HTR4: variants seen among roughly 807,000 people sequenced by gnomAD.
The protein encoded by HTR4 is 5-hydroxytryptamine receptor 4.
A neutral mutation model predicts 36.8 loss-of-function variants in HTR4; 16 were observed. The ratio of observed to expected loss-of-function variants is 0.43; its 90% CI spans 0.29 to 0.66. The LOEUF (loss-of-function observed/expected upper bound fraction) is 0.66, where lower values mean the gene tolerates loss of function less well. Ranked by LOEUF, HTR4 falls within the 30% of genes least tolerant of loss-of-function variation. HTR4 has a pLI of 0.13. For synonymous variants in HTR4, 189 were observed against 185.1 expected (o/e 1.02, Z -0.17); for missense variants, 438 against 490.9 (o/e 0.89, Z 1.02).
In HTR4 at chr5:148,583,257, A is replaced by G. The variant is rs1437278125; in HGVS notation, c.27-32995T>C. 4.1e-5 allele frequency among the ~76,000 whole-genome samples: 6 copies of G among 144,688 alleles called. No homozygotes were observed. In the Admixed American group the frequency reaches 4.2e-4, roughly 10 times the overall value. The allele number at this position is 144,688 out of a possible 152,430, so 94.9% of individuals were successfully genotyped here. A position where few individuals can be genotyped will look rare whatever the true frequency, so the allele number is the denominator to read the frequency against. On this transcript the variant is annotated intron_variant, in intron 2 of 6. Coordinates refer to ENST00000377888, the MANE Select transcript of HTR4 (RefSeq NM_000870.7). ...TACATTTATTGATTTGCATATATTG[A>G]ACCAGCCTTGCATCCCAGGGATGAA...
chr5:148,503,674 G>A lies in HTR4; in HGVS notation c.1076+5782C>T, dbSNP rs142352439. On this transcript the variant is annotated intron_variant, in intron 6 of 6. Coordinates refer to ENST00000377888, the MANE Select transcript of HTR4 (RefSeq NM_000870.7). ...CCTTAAATGTAAATCGGCTAAATGC[G>A]CCAATTAAAAGACACAGACTGGCAA... Among the ~76,000 whole-genome samples the A allele has an allele frequency of 8.1e-3, 1,236 of 152,118 alleles. 18 individuals carry two copies. Among genetic ancestry groups the A allele is most frequent in the African/African-American group, 0.028 (1,181 of 41,502 alleles).
chr5:148,507,429 C>T (rs1050105841), intron 6 of HTR4, among the ~76,000 whole-genome samples: 3 of 150,150 alleles, frequency 2.0e-5, no homozygotes, highest in East Asian at 4.0e-4. Flanking sequence ...ATGTAAATGA[C>T]GAGTTAATGG....
At chr5:148,568,648 C>T (rs1036536727) in intron 2 of HTR4, among the ~76,000 whole-genome samples, 1 of 152,132 alleles carries the variant, frequency 6.6e-6, no homozygotes, top group Non-Finnish European at 1.5e-5. Flanking sequence ...ACTCAAAAAA[C>T]ACCAAATTGC....
At chr5:148,582,553 G>C (rs1761179486) in intron 2 of HTR4, among the ~76,000 whole-genome samples, 1 of 152,008 alleles carries the variant, frequency 6.6e-6, no homozygotes, top group African/African-American at 2.4e-5. Flanking sequence ...GTGAGAACAT[G>C]CAGTTTTCTG....
At chr5:148,614,345 T>C (rs1229512168) in intron 2 of HTR4, among the ~76,000 whole-genome samples, 1 of 151,822 alleles carries the variant, frequency 6.6e-6, no homozygotes, top group Non-Finnish European at 1.5e-5. Context: ...TATAGATCAA[T>C]GGAACAGAAC....
At chr5:148,600,976 CAAAAAAAA>C (rs58003522) in intron 2 of HTR4, among the ~76,000 whole-genome samples, 10 of 13,548 alleles carry the variant, frequency 7.4e-4, no homozygotes, top group South Asian at 8.8e-3. Flanking sequence ...AACTCAATAG[CAAAAAAAA>C]AAAAAAAAAA....
At chr5:148,540,601 C>T (rs2113832101) in intron 4 of HTR4, among the ~76,000 whole-genome samples, 1 of 151,308 alleles carries the variant, frequency 6.6e-6, no homozygotes, top group East Asian at 1.9e-4. Context: ...ATAGATTCAC[C>T]TTCAATATAC....
chr5:148,587,458 G>T (rs1581512832), intron 2 of HTR4, among the ~76,000 whole-genome samples: 2 of 152,048 alleles, frequency 1.3e-5, no homozygotes, highest in East Asian at 3.9e-4. Flanking sequence ...GCGGAGGGTT[G>T]GGGGGGTGGT....
At chr5:148,486,294 A>T (rs1756157757) in intron 6 of HTR4, among the ~76,000 whole-genome samples, 1 of 152,160 alleles carries the variant, frequency 6.6e-6, no homozygotes, top group Non-Finnish European at 1.5e-5. Flanking sequence ...AAAATGTGGT[A>T]CATTATACTG....
At chr5:148,611,277 GAAA>G (rs1340262270) in intron 2 of HTR4, among the ~76,000 whole-genome samples, 1 of 151,732 alleles carries the variant, frequency 6.6e-6, no homozygotes, top group African/African-American at 2.4e-5. Flanking sequence ...CAGCCAGAGA[GAAA>G]GGTCGGGTTA....
chr5:148,531,445 T>C (rs1758562795), intron 4 of HTR4, among the ~76,000 whole-genome samples: 1 of 152,212 alleles, frequency 6.6e-6, no homozygotes, highest in South Asian at 2.1e-4. Context: ...ATGTGAGATG[T>C]GCCTTTCCCC....
At chr5:148,622,372 C>A (rs900302249) in intron 2 of HTR4, among the ~76,000 whole-genome samples, 1 of 152,176 alleles carries the variant, frequency 6.6e-6, no homozygotes, top group East Asian at 1.9e-4. Context: ...TGATGGGTAA[C>A]TTTGTCTTCA....
intron 6 of HTR4, among the ~76,000 whole-genome samples, chr5:148,506,892 G>A (rs1364459042): frequency 7.9e-5 from 12 of 152,204 alleles, no homozygotes; most frequent in Admixed American, 1.3e-4. Context: ...TGGAGAGGAT[G>A]TGGAGAAATA....
At chr5:148,460,145 A>G (rs1561559817) in intron 5 of HTR4, among the ~76,000 whole-genome samples, 2 of 152,056 alleles carry the variant, frequency 1.3e-5, no homozygotes, top group Non-Finnish European at 2.9e-5. Context: ...GTTTCCAAGA[A>G]CTATGGGACA....
intron 4 of HTR4, among the ~76,000 whole-genome samples, chr5:148,536,931 A>G (rs1758852634): frequency 6.6e-6 from 1 of 152,204 alleles, no homozygotes. Context: ...ACAACAGAAT[A>G]TACATTCTTC....
At position 148,548,841 on chromosome 5, in the gene HTR4, T is replaced by C; in HGVS notation, c.180A>G (p.Val60=). The change falls in exon 4 of 7, where the codon GTA becomes GTG. Residue 60 remains valine (V), a synonymous_variant. Transcript: ENST00000377888. ...CCAGCAGATCCGCAAAAGCAAGAGA[T>C]ACAATGAAATAATTTGTTTTTATTT... The part of the protein sequence containing the change: ...LRKIKTNYFI[V]SLAFADLLVS... 6.2e-7 allele frequency: 1 copy of C among 1,613,642 alleles called. No homozygotes were observed. Among genetic ancestry groups the C allele is most frequent in the Non-Finnish European group, 8.5e-7 (1 of 1,179,920 alleles).
At chr5:148,517,126 T>C (rs1757794334) in intron 5 of HTR4, among the ~76,000 whole-genome samples, 1 of 152,352 alleles carries the variant, frequency 6.6e-6, no homozygotes, top group Admixed American at 6.5e-5. Flanking sequence ...GTCATGCTTA[T>C]GACAGTTCCC....
chr5:148,457,762 GGT>G lies in HTR4; in HGVS notation c.1077-6492_1077-6491del, dbSNP rs1363980148. On this transcript the variant is annotated intron_variant, in intron 5 of 5. Coordinates refer to the HTR4 transcript ENST00000521530. ...TTGGTATATCATTAAAATATATTTT[GGT>G]ATATCATTAAAATATATTTTGACAT... Among the ~76,000 whole-genome samples, 36 of 133,252 alleles carry G rather than the reference GGT, an allele frequency of 2.7e-4. No homozygotes were observed. In the South Asian group the frequency reaches 5.6e-3, roughly 21 times the overall value. The allele number at this position is 133,252 out of a possible 152,430, so 87.4% of individuals were successfully genotyped here. A position where few individuals can be genotyped will look rare whatever the true frequency, so the allele number is the denominator to read the frequency against.
At chr5:148,529,027 A>G (rs1244347386) in intron 4 of HTR4, among the ~76,000 whole-genome samples, 1 of 151,676 alleles carries the variant, frequency 6.6e-6, no homozygotes, top group Non-Finnish European at 1.5e-5. Context: ...AACTGTAAAT[A>G]TATCCATTTC....
Sources: gnomAD v4.1 joint callset for allele counts (sites outside exome capture counted in the v4.1 genomes callset) on GRCh38, gnomAD v4.1.1 for gene constraint, MANE v1.5 for transcripts, NCBI Gene and HGNC (gene_info 2026-07-23, HGNC 2026-07-21) for gene names.